ACSM2A: variants seen among roughly 807,000 people sequenced by gnomAD.
ACSM2A encodes acyl-CoA synthetase medium chain family member 2A.
In ACSM2A, 72 loss-of-function variants were observed where a neutral mutation model predicts 76.6. That is an observed-to-expected ratio of 0.94 (90% CI 0.78 to 1.14). The LOEUF (loss-of-function observed/expected upper bound fraction) is 1.14, where lower values mean the gene tolerates loss of function less well. Among genes scored for constraint, ACSM2A ranks in the 50% most tolerant of loss-of-function variants. The pLI, the probability that ACSM2A is intolerant of heterozygous loss-of-function variation, is 0.00. For missense variants in ACSM2A, 684 were observed against 708.5 expected, an observed-to-expected ratio of 0.97 and a Z score of 0.39; for synonymous variants, 249 against 255.9, an observed-to-expected ratio of 0.97 and a Z score of 0.26.
Position 20,465,505 on chromosome 16 carries a change from C to T in ACSM2A, c.178-12C>T. 1 of 1,613,698 alleles carries T rather than the reference C, an allele frequency of 6.2e-7. No individual in the cohort carries two copies. The highest frequency in any genetic ancestry group is 8.5e-7 in the Non-Finnish European group (1 of 1,179,664). ...CAATGCCCCCTGATCAACAGGGCTT[C>T]TCTTTCCTCAGGCTGGCAAGCGACT... On this transcript the variant is annotated splice_polypyrimidine_tract_variant and intron_variant, in intron 2 of 13. Transcript: ENST00000573854.
At position 20,452,618 on chromosome 16, in the gene ACSM2A, A is replaced by G. The variant is rs543696468; in HGVS notation, c.-9+937A>G. ...ATACATATGAGTTTATAAAATATAT[A>G]TATTCCATTAGTTCTGTTTCTCTAG... On this transcript the variant is annotated intron_variant, in intron 1 of 13. Transcript: ENST00000573854. Among the ~76,000 whole-genome samples, 4 of 131,686 alleles carry G rather than the reference A, an allele frequency of 3.0e-5. No individual in the cohort carries two copies. In the East Asian group the frequency reaches 1.3e-3, roughly 43 times the overall value. 86.4% of individuals were successfully genotyped at this position (131,686 alleles called of 152,430 possible).
At chr16:20,475,929 C>T (rs921607272) in intron 8 of ACSM2A, 156 bp downstream of exon 8, 22 of 1,470,394 alleles carry the variant, frequency 1.5e-5, no homozygotes, top group Non-Finnish European at 2.0e-5. Flanking sequence ...ATTGAAAATT[C>T]CGCACAGAAC....
chr16:20,482,822 G>A, intron 12 of ACSM2A: 3 of 440,384 alleles, frequency 6.8e-6, no homozygotes, highest in Non-Finnish European at 1.2e-5. Context: ...TGTTATTGGA[G>A]TATGAGGTGA....
Position 20,474,789 on chromosome 16 carries a change from T to C in ACSM2A, c.895-573T>C, listed in dbSNP as rs2013627497. Among the ~76,000 whole-genome samples the C allele has an allele frequency of 3.9e-5, 6 of 152,216 alleles. No individual in the cohort carries two copies. In the South Asian group the frequency reaches 1.2e-3, roughly 31 times the overall value. On this transcript the variant is annotated intron_variant, in intron 6 of 13. Coordinates refer to ENST00000573854, the MANE Select transcript of ACSM2A (RefSeq NM_001308172.2). ...TGATAGCACACACTCCGTGAGGTTA[T>C]TGTAAAAATTAAATGAGATAACACA...
chr16:20,454,555 A>T (rs1417717882), intron 1 of ACSM2A, among the ~76,000 whole-genome samples: 1 of 151,806 alleles, frequency 6.6e-6, no homozygotes, highest in African/African-American at 2.4e-5. Flanking sequence ...AGATAATGAG[A>T]AATAACAATC....
chr16:20,461,324 A>AGGTTCTGT (rs1246382046), intron 2 of ACSM2A, among the ~76,000 whole-genome samples: 3 of 151,926 alleles, frequency 2.0e-5, no homozygotes, highest in African/African-American at 4.8e-5. Flanking sequence ...ACATTTTAAA[A>AGGTTCTGT]TTGAAAATTT....
At chr16:20,482,866 C>A in intron 12 of ACSM2A, 192 bp from the exon 13 acceptor site, 2 of 796,302 alleles carry the variant, frequency 2.5e-6, no homozygotes, top group Non-Finnish European at 3.7e-6. Flanking sequence ...CCTGCTCCTC[C>A]AATAAATGAC....
chr16:20,469,788 G>T (rs2013265479), intron 4 of ACSM2A, 69 bp downstream of exon 4: 1 of 1,601,374 alleles, frequency 6.2e-7, no homozygotes, highest in South Asian at 1.1e-5. Flanking sequence ...CTTAGGTGCA[G>T]GTGCTTTATT....
In ACSM2A at chr16:20,480,843, G is replaced by A; in HGVS notation, c.1431G>A (p.Glu477=). The change falls in exon 12 of 14, where the codon GAG becomes GAA. Residue 477 remains glutamate (E), a synonymous_variant. Coordinates refer to ENST00000573854, the MANE Select transcript of ACSM2A (RefSeq NM_001308172.2). ...GCAGGTACCGGATTGGACCCTCGGAGGTAGAGAATGCACTGATGGAGCACC... is the reference window on the plus strand; with the variant it reads ...GCAGGTACCGGATTGGACCCTCGGAAGTAGAGAATGCACTGATGGAGCACC... ...NSSGYRIGPS[E]VENALMEHPA... is the part of the protein sequence containing the mutation. The A allele has an allele frequency of 6.2e-7, 1 of 1,613,968 alleles. No homozygotes were observed. Among genetic ancestry groups the A allele is most frequent in the African/African-American group, 1.3e-5 (1 of 75,042 alleles).
In ACSM2A at chr16:20,451,577, A is replaced by G. The variant is rs534415636; in HGVS notation, c.-113A>G. On this transcript the variant is annotated 5_prime_UTR_variant, in exon 1 of 14. Transcript: ENST00000573854. ...CAGGGATTCTGAAGCTGTCTGCTTG[A>G]GTTACTGTGCTCTCTTCCAAGGCTG... 4.6e-5 allele frequency: 7 copies of G among 152,024 alleles called. No homozygotes were observed. The highest frequency in any genetic ancestry group is 4.6e-4 in the Admixed American group (7 of 15,218). The allele number at this position is 152,024 out of a possible 1,614,324, so 9.4% of individuals were successfully genotyped here.
In ACSM2A at chr16:20,465,541, G is replaced by A; in HGVS notation, c.202G>A (p.Ala68Thr). ...EKAGKRLPSP[A>T]LWWVNGKGKE... ...GGCTGGCAAGCGACTCCCAAGCCCA[G>A]CCCTGTGGTGGGTGAATGGGAAGGG... The change falls in exon 3 of 14, where the codon GCC becomes ACC. Residue 68 changes from alanine to threonine, a missense_variant. Transcript: ENST00000573854. 1 of 1,613,984 alleles carries A rather than the reference G, an allele frequency of 6.2e-7. No individual in the cohort carries two copies. Among genetic ancestry groups the A allele is most frequent in the Non-Finnish European group, 8.5e-7 (1 of 1,179,868 alleles).
chr16:20,479,372 C>T (rs1047234254), intron 10 of ACSM2A, among the ~76,000 whole-genome samples: 13 of 152,126 alleles, frequency 8.5e-5, no homozygotes, highest in Admixed American at 1.3e-4. Flanking sequence ...CACATTTAAT[C>T]TTTAAACTTT....
At position 20,469,494 on chromosome 16, in the gene ACSM2A, A is replaced by G; in HGVS notation, c.389-18A>G. On this transcript the variant is annotated intron_variant, in intron 3 of 13. Coordinates refer to ENST00000573854, the MANE Select transcript of ACSM2A (RefSeq NM_001308172.2). The stretch of plus-strand genomic sequence containing the variant: ...GAAAATCATCCTTTCCAATTCTCTA[A>G]ATTGTTGGCTTCTTTAGGTCTCATC... The G allele has an allele frequency of 1.2e-6, 2 of 1,610,492 alleles. No individual in the cohort carries two copies. Among genetic ancestry groups the G allele is most frequent in the Non-Finnish European group, 1.7e-6 (2 of 1,177,340 alleles).
intron 10 of ACSM2A, among the ~76,000 whole-genome samples, chr16:20,479,245 G>C (rs1322811637): frequency 6.6e-6 from 1 of 152,110 alleles, no homozygotes; most frequent in Non-Finnish European, 1.5e-5. Flanking sequence ...GACCCCAAGG[G>C]CATGCCTTCT....
chr16:20,458,932 A>ATACG (rs1491482058), intron 1 of ACSM2A, among the ~76,000 whole-genome samples: 1 of 56,970 alleles, frequency 1.8e-5, no homozygotes, highest in Non-Finnish European at 3.0e-5. Flanking sequence ...ATATATATAT[A>ATACG]CATATATATA....
intron 10 of ACSM2A, 151 bp from the exon 11 acceptor site, chr16:20,480,422 G>T (rs1567375146): frequency 2.1e-6 from 3 of 1,408,860 alleles, no homozygotes; most frequent in Non-Finnish European, 1.9e-6. Flanking sequence ...GTGGCCTAGG[G>T]TTGGCTGGTT....
At chr16:20,472,419 C>A (rs969368228) in intron 6 of ACSM2A, among the ~76,000 whole-genome samples, 11 of 152,164 alleles carry the variant, frequency 7.2e-5, no homozygotes, top group Admixed American at 4.6e-4. Context: ...CAAATAAAGG[C>A]ACTCATGCTA....
At chr16:20,483,019 A>G (rs1381587829) in intron 12 of ACSM2A, 39 bp from the exon 13 acceptor site, 1 of 1,607,752 alleles carries the variant, frequency 6.2e-7, no homozygotes, top group Non-Finnish European at 8.5e-7. Flanking sequence ...ATGACTACAC[A>G]CTCTAATCCC....
intron 2 of ACSM2A, among the ~76,000 whole-genome samples, chr16:20,464,988 A>T (rs184614345): frequency 2.2e-4 from 34 of 152,366 alleles, no homozygotes; most frequent in Admixed American, 5.2e-4. Context: ...ATAGAGATAC[A>T]TATATAAATA....
Sources: gnomAD v4.1 joint callset for allele counts (sites outside exome capture counted in the v4.1 genomes callset) on GRCh38, gnomAD v4.1.1 for gene constraint, MANE v1.5 for transcripts, NCBI Gene and HGNC (gene_info 2026-07-23, HGNC 2026-07-21) for gene names.